KIAA1549L: variants seen among roughly 807,000 people sequenced by gnomAD.
KIAA1549L encodes the protein UPF0606 protein KIAA1549L.
A neutral mutation model predicts 160.7 loss-of-function variants in KIAA1549L; 88 were observed. The observed-to-expected ratio is 0.55, with a 90% CI of 0.46 to 0.65. The LOEUF is 0.65. Among genes scored for constraint, KIAA1549L ranks in the 30% least tolerant of loss-of-function variants. The pLI is 0.00. For missense variants in KIAA1549L, 2,258 were observed against 2,437.5 expected (o/e 0.93, Z 1.55); for synonymous variants, 950 against 976.7 (o/e 0.97, Z 0.51).
intron 4 of KIAA1549L, 80 bp downstream of exon 4, chr11:33,547,959 C>G (rs1018824158): frequency 2.2e-6 from 2 of 907,364 alleles, no homozygotes; most frequent in Non-Finnish European, 3.5e-6. Flanking sequence ...TTGTTTTCCT[C>G]CTTTCTAGGG....
intron 10 of KIAA1549L, among the ~76,000 whole-genome samples, chr11:33,581,661 G>A (rs1855648753): frequency 6.6e-6 from 1 of 152,114 alleles, no homozygotes; most frequent in Non-Finnish European, 1.5e-5. Flanking sequence ...GTCCTCTACT[G>A]AAATTCTTGC....
intron 14 of KIAA1549L, 123 bp downstream of exon 14, chr11:33,606,945 C>A: frequency 2.7e-6 from 2 of 744,358 alleles, no homozygotes; most frequent in Non-Finnish European, 4.3e-6. Context: ...TCATTTTTAC[C>A]TCTGCATGTA....
chr11:33,557,788 G>A lies in KIAA1549L; in HGVS notation c.3856-1961G>A, dbSNP rs562752382. ...TGTAGTCCCAGCTATCCAGGAGGCT[G>A]AGGTGGGAGGATCGCTTAAGCCTAG... On this transcript the variant is annotated intron_variant, in intron 6 of 20. Coordinates refer to ENST00000658780, the MANE Select transcript of KIAA1549L (RefSeq NM_012194.3). 3.4e-4 allele frequency among the ~76,000 whole-genome samples: 52 copies of A among 152,242 alleles called. No individual in the cohort carries two copies. In the East Asian group the frequency reaches 4.1e-3, roughly 12 times the overall value.
chr11:33,598,447 G>A (rs564358511), intron 12 of KIAA1549L, among the ~76,000 whole-genome samples: 1 of 152,252 alleles, frequency 6.6e-6, no homozygotes, highest in East Asian at 1.9e-4. Flanking sequence ...ATTCCCATGT[G>A]ATTTAAACAC....
chr11:33,408,485 A>G (rs962523168), intron 1 of KIAA1549L, among the ~76,000 whole-genome samples: 1 of 143,154 alleles, frequency 7.0e-6, no homozygotes, highest in African/African-American at 2.7e-5. Context: ...TACTCTGTAT[A>G]TGTGTATATA....
At chr11:33,630,560 C>T (rs559457257) in intron 16 of KIAA1549L, among the ~76,000 whole-genome samples, 5 of 152,242 alleles carry the variant, frequency 3.3e-5, no homozygotes, top group Non-Finnish European at 7.4e-5. Context: ...CCGTTTGTCA[C>T]CCCTTTCTTT....
At chr11:33,459,940 G>A (rs1460295225) in intron 1 of KIAA1549L, among the ~76,000 whole-genome samples, 5 of 115,844 alleles carry the variant, frequency 4.3e-5, no homozygotes, top group African/African-American at 1.5e-4. Flanking sequence ...CAGCCTGGGC[G>A]ACAGAGCGAG....
Position 33,559,823 on chromosome 11 carries a change from C to G in KIAA1549L, c.3930C>G (p.Asn1310Lys). The G allele has an allele frequency of 6.2e-7, 1 of 1,613,972 alleles. No homozygotes were observed. The highest frequency in any genetic ancestry group is 2.2e-5 in the East Asian group (1 of 44,870). ...TGGGCAATCAGAGCACATTCCTCAA[C>G]GGCACCGTCGCCAGCAGCCTCCTCA... Reference protein sequence around the residue: ...YVVGNQSTFLNGTVASSLLSQ... With the variant: ...YVVGNQSTFLKGTVASSLLSQ... Residue 1310 changes from asparagine (N) to lysine (K), a missense_variant, in exon 7 of 21, where the codon AAC becomes AAG. By Grantham distance (94) the Asn-to-Lys change is moderately conservative (BLOSUM62 0). Coordinates refer to ENST00000658780, the MANE Select transcript of KIAA1549L (RefSeq NM_012194.3).
chr11:33,645,832 C>A lies in KIAA1549L; in HGVS notation c.5556C>A (p.His1852Gln). The change falls in exon 17 of 21, where the codon CAC becomes CAA. Residue 1852 changes from histidine to glutamine, a missense_variant. By Grantham distance (24) the His-to-Gln change is conservative. This residue lies in a region of KIAA1549L where 1,359 missense variants were observed against 1,546.6 expected (regional missense o/e 0.88). Coordinates refer to ENST00000658780, the MANE Select transcript of KIAA1549L (RefSeq NM_012194.3). ...PSIDEVRQQMHMLLEEAFSLA... is the reference protein window; with the variant it reads ...PSIDEVRQQMQMLLEEAFSLA... ...TCGACGAGGTCAGGCAGCAGATGCA[C>A]ATGCTGCTGGAGGAGGCCTTCAGCC... The A allele has an allele frequency of 6.2e-7, 1 of 1,613,920 alleles. No individual in the cohort carries two copies. The highest frequency in any genetic ancestry group is 8.5e-7 in the Non-Finnish European group (1 of 1,179,868).
chr11:33,637,099 C>T (rs532793989), intron 16 of KIAA1549L, among the ~76,000 whole-genome samples: 70 of 152,242 alleles, frequency 4.6e-4, no homozygotes, highest in African/African-American at 1.5e-3. Flanking sequence ...CCCAGACATG[C>T]TTGGGGAGCT....
At position 33,668,231 on chromosome 11, in the gene KIAA1549L, G is replaced by A. The variant is rs1852551849; in HGVS notation, c.*77G>A. On this transcript the variant is annotated 3_prime_UTR_variant, in exon 21 of 21. Coordinates refer to ENST00000658780, the MANE Select transcript of KIAA1549L (RefSeq NM_012194.3). ...TGGGTTTCCCATGCCTACGTGTTAG[G>A]ACTTGAGACATAGCAATGGGTGAGT... The A allele has an allele frequency of 2.2e-6, 3 of 1,370,876 alleles. No individual in the cohort carries two copies. Among genetic ancestry groups the A allele is most frequent in the Middle Eastern group, 1.8e-4 (1 of 5,486 alleles). 84.9% of individuals were successfully genotyped at this position (1,370,876 alleles called of 1,614,324 possible).
intron 17 of KIAA1549L, among the ~76,000 whole-genome samples, chr11:33,647,002 T>C (rs887287099): frequency 2.0e-5 from 3 of 151,956 alleles, no homozygotes; most frequent in African/African-American, 7.3e-5. Context: ...ATAAGAAAAA[T>C]AAGCTACGTC....
chr11:33,386,866 G>A (rs1420497140), intron 1 of KIAA1549L, among the ~76,000 whole-genome samples: 1 of 152,146 alleles, frequency 6.6e-6, no homozygotes, highest in Non-Finnish European at 1.5e-5. Context: ...CAACACTTTG[G>A]GAGCCCAAGG....
At chr11:33,533,269 C>T (rs901533237) in intron 1 of KIAA1549L, among the ~76,000 whole-genome samples, 1 of 152,088 alleles carries the variant, frequency 6.6e-6, no homozygotes, top group Non-Finnish European at 1.5e-5. Context: ...AAACTAGCAG[C>T]GCGAAGAGCC....
intron 1 of KIAA1549L, among the ~76,000 whole-genome samples, chr11:33,466,978 G>T (rs1852074709): frequency 6.8e-6 from 1 of 147,838 alleles, no homozygotes; most frequent in African/African-American, 2.5e-5. Flanking sequence ...GGGGGGTGGG[G>T]GGTTGGGGCA....
chr11:33,436,848 A>G (rs962451704), intron 1 of KIAA1549L, among the ~76,000 whole-genome samples: 1 of 152,202 alleles, frequency 6.6e-6, no homozygotes, highest in Non-Finnish European at 1.5e-5. Context: ...GAAGGAGTCC[A>G]GTACTGGGCT....
intron 1 of KIAA1549L, among the ~76,000 whole-genome samples, chr11:33,420,235 G>GTTTGTTTGTTTTTTT (rs1554975227): frequency 1.3e-4 from 6 of 46,314 alleles, no homozygotes; most frequent in African/African-American, 3.4e-4. Context: ...TTTTTTTTTT[G>GTTTGTTTGTTTTTTT]TTTTTTTTTT....
At chr11:33,548,947 T>C (rs1157430263) in intron 4 of KIAA1549L, among the ~76,000 whole-genome samples, 1 of 152,198 alleles carries the variant, frequency 6.6e-6, no homozygotes, top group Non-Finnish European at 1.5e-5. Context: ...TTTATATATT[T>C]CTAAAAAAGA....
intron 1 of KIAA1549L, among the ~76,000 whole-genome samples, chr11:33,473,551 C>T (rs1285572291): frequency 1.3e-5 from 2 of 152,178 alleles, no homozygotes; most frequent in African/African-American, 4.8e-5. Flanking sequence ...CTCAAAGGCC[C>T]TGTCTTATAA....
Sources: allele counts gnomAD v4.1 joint callset (sites outside exome capture counted in the v4.1 genomes callset), GRCh38; gene constraint gnomAD v4.1.1; regional missense constraint gnomAD v4.1.1; transcripts MANE v1.5; gene names NCBI Gene and HGNC (gene_info 2026-07-23, HGNC 2026-07-21).